Variants in SAMD3 observed in about 807,000 individuals in gnomAD.
The protein encoded by SAMD3 is sterile alpha motif domain-containing protein 3.
In SAMD3, 63 loss-of-function variants were observed where a neutral mutation model predicts 58.5. The observed-to-expected ratio is 1.08, with a 90% confidence interval of 0.88 to 1.33. The LOEUF is 1.33. Among genes scored for constraint, SAMD3 ranks in the 40% most tolerant of loss-of-function variants. SAMD3 has a pLI of 0.00. For missense variants in SAMD3, 604 were observed against 608.4 expected, an observed-to-expected ratio of 0.99 and a Z score of 0.08; for synonymous variants, 220 against 210.3, an observed-to-expected ratio of 1.05 and a Z score of -0.40.
chr6:130,287,261 CACATA>C (rs1416104474), intron 2 of SAMD3, among the ~76,000 whole-genome samples: 1 of 152,192 alleles, frequency 6.6e-6, no homozygotes, highest in African/African-American at 2.4e-5. Flanking sequence ...TTATAACAAT[CACATA>C]ACATTTTATA....
intron 2 of SAMD3, among the ~76,000 whole-genome samples, chr6:130,270,405 T>C (rs754044540): frequency 5.3e-5 from 8 of 152,202 alleles, no homozygotes; most frequent in Admixed American, 3.3e-4. Context: ...GATGTCTTAG[T>C]AGTCCACATG....
At chr6:130,160,236 C>T (rs1582751604) in intron 8 of SAMD3, 1 of 152,150 alleles carries the variant, frequency 6.6e-6, no homozygotes, top group East Asian at 1.9e-4. Flanking sequence ...ATCAAATATC[C>T]GTTAAGAAGA....
chr6:130,200,409 C>A (rs373626720), intron 5 of SAMD3, among the ~76,000 whole-genome samples: 2 of 150,230 alleles, frequency 1.3e-5, no homozygotes, highest in Non-Finnish European at 3.0e-5. Context: ...ATTAGCCGGG[C>A]GTGGTTGCAT....
At chr6:130,186,023 A>G (rs991436399) in intron 5 of SAMD3, among the ~76,000 whole-genome samples, 20 of 152,184 alleles carry the variant, frequency 1.3e-4, no homozygotes, top group African/African-American at 4.6e-4. Context: ...TTCAAGCCTT[A>G]AAGTTAGTGA....
At chr6:130,362,304 G>A (rs575367578) in intron 1 of SAMD3, among the ~76,000 whole-genome samples, 7 of 152,318 alleles carry the variant, frequency 4.6e-5, no homozygotes, top group African/African-American at 7.2e-5. Flanking sequence ...CAGTTCCCCC[G>A]TGATGCAAAT....
intron 2 of SAMD3, among the ~76,000 whole-genome samples, chr6:130,271,358 A>G (rs1331843190): frequency 6.6e-6 from 1 of 152,184 alleles, no homozygotes; most frequent in East Asian, 1.9e-4. Context: ...CCTGTGTACT[A>G]TCAAGCTATT....
intron 2 of SAMD3, among the ~76,000 whole-genome samples, chr6:130,261,712 A>G (rs570867305): frequency 1.3e-5 from 2 of 152,302 alleles, no homozygotes; most frequent in South Asian, 4.1e-4. Context: ...ATGTAGTACT[A>G]TGACACCAGG....
chr6:130,235,454 T>C (rs909446403), intron 2 of SAMD3, among the ~76,000 whole-genome samples: 23 of 152,346 alleles, frequency 1.5e-4, no homozygotes, highest in African/African-American at 5.0e-4. Flanking sequence ...ATTTTTCTTT[T>C]AAATTTCTTT....
intron 8 of SAMD3, among the ~76,000 whole-genome samples, chr6:130,158,876 T>C (rs1185384238): frequency 1.3e-5 from 2 of 152,070 alleles, no homozygotes; most frequent in African/African-American, 2.4e-5. Context: ...GTCTGATTGG[T>C]TGTGGAAGGT....
At chr6:130,243,923 C>G (rs75778409) in intron 2 of SAMD3, among the ~76,000 whole-genome samples, 3,090 of 152,248 alleles carry the variant, frequency 0.02, 66 homozygotes, top group Non-Finnish European at 0.032. Context: ...ATATATATGT[C>G]TGCAACTTTC....
intron 2 of SAMD3, among the ~76,000 whole-genome samples, chr6:130,293,480 T>G (rs1023197620): frequency 6.6e-6 from 1 of 152,042 alleles, no homozygotes; most frequent in African/African-American, 2.4e-5. Context: ...AATGTTATTA[T>G]CTAAAATATT....
intron 2 of SAMD3, among the ~76,000 whole-genome samples, chr6:130,254,764 G>T (rs1317601369): frequency 8.5e-5 from 13 of 152,090 alleles, no homozygotes. Context: ...AGGTAATAGT[G>T]GCCTCATAAA....
chr6:130,192,148 T>TCC (rs1392719616), intron 5 of SAMD3, among the ~76,000 whole-genome samples: 3 of 152,244 alleles, frequency 2.0e-5, no homozygotes, highest in Non-Finnish European at 4.4e-5. Flanking sequence ...GTCTTGATTT[T>TCC]CCTACGTCCT....
intron 2 of SAMD3, among the ~76,000 whole-genome samples, chr6:130,283,729 T>C (rs995757560): frequency 1.2e-4 from 18 of 152,240 alleles, no homozygotes; most frequent in Middle Eastern, 6.8e-3. Context: ...AGATCTATGA[T>C]GAATAACGAC....
At chr6:130,275,000 A>G (rs1055795764) in intron 2 of SAMD3, among the ~76,000 whole-genome samples, 1 of 152,170 alleles carries the variant, frequency 6.6e-6, no homozygotes, top group African/African-American at 2.4e-5. Context: ...CAGTACTGGC[A>G]TCAACTGGGA....
chr6:130,359,900 C>G (rs1777935741), intron 1 of SAMD3, among the ~76,000 whole-genome samples: 1 of 152,182 alleles, frequency 6.6e-6, no homozygotes, highest in Non-Finnish European at 1.5e-5. Flanking sequence ...AGCACTCTAA[C>G]ATGAGTCATG....
intron 1 of SAMD3, among the ~76,000 whole-genome samples, chr6:130,220,343 G>A (rs9492497): frequency 0.37 from 56,676 of 152,028 alleles, 11,184 homozygotes; most frequent in African/African-American, 0.46. Context: ...TTATCTGGGA[G>A]GTTTAGTTAA....
At chr6:130,215,643 A>T in intron 2 of SAMD3, 2 of 1,391,768 alleles carry the variant, frequency 1.4e-6, no homozygotes, top group South Asian at 3.6e-5. Context: ...CTTCACAAAG[A>T]AAAGAAAGGT....
At chr6:130,194,143 C>T (rs1463402570) in intron 5 of SAMD3, among the ~76,000 whole-genome samples, 5 of 152,188 alleles carry the variant, frequency 3.3e-5, no homozygotes, top group Non-Finnish European at 7.3e-5. Context: ...CCCTCCCCCA[C>T]CTGCCCAGCA....
Sources: allele counts gnomAD v4.1 joint callset (sites outside exome capture counted in the v4.1 genomes callset), GRCh38; gene constraint gnomAD v4.1.1; transcripts MANE v1.5; gene names NCBI Gene and HGNC (gene_info 2026-07-23, HGNC 2026-07-21).